SLC25A33: variants seen among roughly 807,000 people sequenced by gnomAD.
SLC25A33 encodes the protein bone marrow stromal cell mitochondrial carrier protein.
SLC25A33 carries 15 observed loss-of-function variants against 35.5 expected under a neutral mutation model. The observed-to-expected ratio is 0.42, with a 90% CI of 0.28 to 0.65. The LOEUF is 0.65. Among genes scored for constraint, SLC25A33 ranks in the 30% least tolerant of loss-of-function variants. The probability of loss-of-function intolerance (pLI) is 0.20; values close to 1 mark genes in which losing one functional copy is unlikely to be tolerated. For synonymous variants in SLC25A33, 136 were observed against 148.7 expected, an observed-to-expected ratio of 0.91 and a Z score of 0.62; for missense variants, 257 against 398.5, an observed-to-expected ratio of 0.64 and a Z score of 3.02.
chr1:9,555,465 A>G (rs1569852530), intron 2 of SLC25A33, among the ~76,000 whole-genome samples: 1 of 152,018 alleles, frequency 6.6e-6, no homozygotes, highest in East Asian at 1.9e-4. Context: ...GATGAGTTGG[A>G]GAGTGCTTAG....
At position 9,580,251 on chromosome 1, in the gene SLC25A33, T is replaced by C; in HGVS notation, c.763+17T>C. 1 of 1,608,786 alleles carries C rather than the reference T, an allele frequency of 6.2e-7. No individual in the cohort carries two copies. Among genetic ancestry groups the C allele is most frequent in the Non-Finnish European group, 8.5e-7 (1 of 1,177,672 alleles). On this transcript the variant is annotated intron_variant, in intron 6 of 6. Transcript: ENST00000302692. ...ATCCACACGGTATGTTTTGCTTTTG[T>C]TCTTCCAGAGCAGTAAAACAGCTGT...
rs1313735208 is a variant in SLC25A33 at position 9,584,813 on chromosome 1, C to T, written c.*2312C>T. ...CACTGTAACCTCAAACTCCTGGGCA[C>T]AAGGGATCCTCGCATCTCAGCCTCC... On this transcript the variant is annotated 3_prime_UTR_variant, in exon 7 of 7. Transcript: ENST00000302692. The T allele has an allele frequency of 2.0e-5, 3 of 152,186 alleles. No individual in the cohort carries two copies. The highest frequency in any genetic ancestry group is 4.4e-5 in the Non-Finnish European group (3 of 68,042). The allele number at this position is 152,186 out of a possible 1,614,324, so 9.4% of individuals were successfully genotyped here. A position where few individuals can be genotyped will look rare whatever the true frequency, so the allele number is the denominator to read the frequency against.
chr1:9,577,621 G>A (rs1189546880), intron 5 of SLC25A33, among the ~76,000 whole-genome samples: 1 of 152,156 alleles, frequency 6.6e-6, no homozygotes, highest in Non-Finnish European at 1.5e-5. Flanking sequence ...GAGCAGGGGA[G>A]CCCGATCCTT....
chr1:9,564,765 T>TATATATATATATACAC (rs59741987), intron 2 of SLC25A33, among the ~76,000 whole-genome samples: 4 of 114,820 alleles, frequency 3.5e-5, no homozygotes, highest in East Asian at 3.2e-4. Flanking sequence ...TATATATATA[T>TATATATATATATACAC]ACACAAAAAT....
intron 2 of SLC25A33, among the ~76,000 whole-genome samples, chr1:9,564,314 A>G (rs1459614480): frequency 6.6e-6 from 1 of 152,144 alleles, no homozygotes; most frequent in Non-Finnish European, 1.5e-5. Flanking sequence ...CCCCTTTTAC[A>G]TTGCAGGCGG....
intron 4 of SLC25A33, among the ~76,000 whole-genome samples, chr1:9,572,486 C>T (rs1017252219): frequency 3.3e-5 from 5 of 151,538 alleles, no homozygotes; most frequent in Admixed American, 2.0e-4. Context: ...GGCGCGGTGG[C>T]GGGCACCTGT....
chr1:9,573,923 C>A (rs567783617), intron 5 of SLC25A33, among the ~76,000 whole-genome samples: 2 of 152,132 alleles, frequency 1.3e-5, no homozygotes, highest in South Asian at 4.2e-4. Context: ...AGTCTGGTGA[C>A]ACCTGCAGGC....
In SLC25A33 at chr1:9,570,273, A is replaced by C. The variant is rs773029692; in HGVS notation, c.330A>C (p.Ala110=). ...GVAPSRAVYF[A]CYSKAKEQFN... ...GTTCTAACAGGGCTGTATACTTTGC[A>C]TGTTACTCCAAAGCCAAAGAGCAAT... Residue 110 remains alanine (A), a synonymous_variant, in exon 4 of 7, where the codon GCA becomes GCC. Transcript: ENST00000302692. 3.1e-6 allele frequency: 5 copies of C among 1,613,858 alleles called. No homozygotes were observed. The highest frequency in any genetic ancestry group is 3.4e-6 in the Non-Finnish European group (4 of 1,179,916).
chr1:9,566,770 T>TG (rs1199056777), intron 2 of SLC25A33, among the ~76,000 whole-genome samples: 2 of 151,964 alleles, frequency 1.3e-5, no homozygotes, highest in East Asian at 1.9e-4. Flanking sequence ...CGCTTCAACC[T>TG]GGGGGGCGGA....
chr1:9,547,734 T>G (rs1643201879), intron 1 of SLC25A33, among the ~76,000 whole-genome samples: 2 of 152,052 alleles, frequency 1.3e-5, no homozygotes, highest in South Asian at 4.1e-4. Flanking sequence ...GTCTTGAGAT[T>G]TTATTACTGG....
chr1:9,560,164 A>G (rs1352574276), intron 2 of SLC25A33, among the ~76,000 whole-genome samples: 1 of 151,916 alleles, frequency 6.6e-6, no homozygotes, highest in East Asian at 1.9e-4. Context: ...AGGCAAGAGA[A>G]TCACTTGAAC....
At chr1:9,580,576 G>A (rs956787265) in intron 6 of SLC25A33, among the ~76,000 whole-genome samples, 14 of 152,224 alleles carry the variant, frequency 9.2e-5, no homozygotes, top group Non-Finnish European at 1.3e-4. Flanking sequence ...ACTCAGCCTC[G>A]GCGGGGCACG....
chr1:9,541,316 G>T (rs973827938), intron 1 of SLC25A33, among the ~76,000 whole-genome samples: 3 of 152,120 alleles, frequency 2.0e-5, no homozygotes, highest in African/African-American at 7.2e-5. Flanking sequence ...ACTACGCCCA[G>T]CTTTTTGTAT....
chr1:9,546,742 C>T (rs1446784091), intron 1 of SLC25A33, among the ~76,000 whole-genome samples: 2 of 152,064 alleles, frequency 1.3e-5, no homozygotes, highest in African/African-American at 2.4e-5. Flanking sequence ...AACTTCAAAC[C>T]GGCTTGCTTA....
intron 6 of SLC25A33, among the ~76,000 whole-genome samples, chr1:9,581,108 T>G (rs1419558014): frequency 2.6e-5 from 4 of 152,294 alleles, no homozygotes; most frequent in African/African-American, 9.6e-5. Context: ...GAGTCCCCTT[T>G]GTGTCCTGGA....
intron 2 of SLC25A33, among the ~76,000 whole-genome samples, chr1:9,555,218 C>T (rs542084994): frequency 6.7e-6 from 1 of 149,196 alleles, no homozygotes; most frequent in East Asian, 2.0e-4. Flanking sequence ...CCTGGGTTCA[C>T]GCCATTCTCC....
chr1:9,561,292 T>C (rs1466112836), intron 2 of SLC25A33, among the ~76,000 whole-genome samples: 2 of 152,198 alleles, frequency 1.3e-5, no homozygotes, highest in Non-Finnish European at 2.9e-5. Flanking sequence ...AACGTGTTAG[T>C]GATCTCCTAT....
intron 2 of SLC25A33, among the ~76,000 whole-genome samples, chr1:9,554,315 C>T (rs1387760725): frequency 6.6e-6 from 1 of 152,140 alleles, no homozygotes; most frequent in East Asian, 1.9e-4. Flanking sequence ...AGGCGTGAGC[C>T]ACCGCTCCCA....
intron 5 of SLC25A33, among the ~76,000 whole-genome samples, chr1:9,575,410 T>G (rs951645255): frequency 7.4e-5 from 11 of 149,554 alleles, no homozygotes; most frequent in African/African-American, 2.7e-4. Flanking sequence ...AACTCAGGAG[T>G]TCGAGACCAG....
Sources: gnomAD v4.1 joint callset for allele counts (sites outside exome capture counted in the v4.1 genomes callset) on GRCh38, gnomAD v4.1.1 for gene constraint, MANE v1.5 for transcripts, NCBI Gene and HGNC (gene_info 2026-07-23, HGNC 2026-07-21) for gene names.